NEBL: variants seen among roughly 807,000 people sequenced by gnomAD.
NEBL encodes LIM and SH3 protein 2.
Under a neutral mutation model 140.2 loss-of-function variants are expected in NEBL, and 122 were observed. The ratio of observed to expected loss-of-function variants is 0.87; its 90% CI spans 0.75 to 1.01. NEBL has a LOEUF of 1.01. NEBL is among the 50% of genes least tolerant of loss of function. The pLI, the probability that NEBL is intolerant of heterozygous loss-of-function variation, is 0.00. For missense variants in NEBL, 1,365 were observed against 1,231.3 expected (o/e 1.11, Z -1.62); for synonymous variants, 436 against 398.9 (o/e 1.09, Z -1.11).
intron 2 of NEBL, among the ~76,000 whole-genome samples, chr10:21,023,559 G>C (rs1838886523): frequency 6.6e-6 from 1 of 152,078 alleles, no homozygotes; most frequent in African/African-American, 2.4e-5. Flanking sequence ...GCCAGGCATG[G>C]TGGCGCACAC....
chr10:21,246,691 G>A (rs987712702), intron 3 of NEBL, among the ~76,000 whole-genome samples: 8 of 151,932 alleles, frequency 5.3e-5, no homozygotes, highest in Non-Finnish European at 7.4e-5. Flanking sequence ...AAAAATCATC[G>A]AGCGTGGTGG....
chr10:21,082,755 G>C (rs1836439843), intron 2 of NEBL, among the ~76,000 whole-genome samples: 1 of 107,136 alleles, frequency 9.3e-6, no homozygotes, highest in Non-Finnish European at 2.0e-5. Context: ...TATGCAGGAG[G>C]GATGCATTTT....
chr10:20,799,924 CGTGTGTGTGT>C (rs145863273), intron 26 of NEBL, among the ~76,000 whole-genome samples: 1 of 149,398 alleles, frequency 6.7e-6, no homozygotes, highest in South Asian at 2.1e-4. Context: ...CCATCTGGCA[CGTGTGTGTGT>C]GTGTGTGTGT....
intron 4 of NEBL, among the ~76,000 whole-genome samples, chr10:20,955,578 G>T (rs973199761): frequency 2.0e-5 from 3 of 152,190 alleles, no homozygotes; most frequent in Admixed American, 6.5e-5. Context: ...TCATTTAGGA[G>T]CAGATTGTGG....
intron 6 of NEBL, 35 bp from the exon 7 acceptor site, chr10:20,868,800 C>T: frequency 7.1e-7 from 1 of 1,418,094 alleles, no homozygotes; most frequent in Non-Finnish European, 9.9e-7. Flanking sequence ...TTAAATATTT[C>T]TACCCTCCAA....
At chr10:20,872,157 A>T (rs901108185) in intron 5 of NEBL, among the ~76,000 whole-genome samples, 8 of 152,196 alleles carry the variant, frequency 5.3e-5, no homozygotes, top group African/African-American at 1.7e-4. Context: ...GTTCAGCCTA[A>T]TGACTGCGTG....
chr10:20,814,012 T>C lies in NEBL; in HGVS notation c.2273A>G (p.Lys758Arg), dbSNP rs375635703. ...VKYTQDHKQM[K>R]GRPSLILDTP... ...ATCTAAAATCAGACTTGGTCTACCT[T>C]TCATCTGTTTATGGTCCTGGGTATA... Residue 758 changes from lysine (K) to arginine (R), a missense_variant, in exon 23 of 28, where the codon AAA becomes AGA. Around this residue, in one of 2 missense-constraint regions of NEBL, gnomAD observed 1,323 missense variants for 1,154.8 expected, o/e 1.15. Transcript: ENST00000377122. 3 of 1,609,642 alleles carry C rather than the reference T, an allele frequency of 1.9e-6. No homozygotes were observed. The African/African-American group carries it at 4.0e-5, about 22-fold the overall frequency.
chr10:21,082,354 T>A (rs905259975), intron 2 of NEBL, among the ~76,000 whole-genome samples: 1 of 152,054 alleles, frequency 6.6e-6, no homozygotes, highest in Non-Finnish European at 1.5e-5. Context: ...GTGTTCTGAT[T>A]TGGATGGTTA....
chr10:21,150,946 G>C (rs1241016191), intron 2 of NEBL, among the ~76,000 whole-genome samples: 1 of 152,176 alleles, frequency 6.6e-6, no homozygotes, highest in Non-Finnish European at 1.5e-5. Context: ...AAAGAGGTGA[G>C]AGGAATGTTT....
At position 20,845,250 on chromosome 10, in the gene NEBL, G is replaced by A; in HGVS notation, c.1227+8C>T. The A allele has an allele frequency of 6.7e-7, 1 of 1,501,470 alleles. No individual in the cohort carries two copies. The allele number at this position is 1,501,470 out of a possible 1,614,324, so 93.0% of individuals were successfully genotyped here. A position where few individuals can be genotyped will look rare whatever the true frequency, so the allele number is the denominator to read the frequency against. On this transcript the variant is annotated splice_region_variant and intron_variant, in intron 12 of 27. Transcript: ENST00000377122. ...CATAATATTTAATAATAAACACCAA[G>A]ATCGTACCTCCCTCAGAAGGTTGGT...
At chr10:20,971,835 G>C (rs1341192049) in intron 3 of NEBL, among the ~76,000 whole-genome samples, 1 of 151,902 alleles carries the variant, frequency 6.6e-6, no homozygotes, top group South Asian at 2.1e-4. Context: ...GGATGGTCTC[G>C]ATCTCCTGAC....
intron 2 of NEBL, among the ~76,000 whole-genome samples, chr10:21,116,984 A>G (rs1293603201): frequency 6.6e-6 from 1 of 152,038 alleles, no homozygotes; most frequent in East Asian, 1.9e-4. Flanking sequence ...AATGACCGGT[A>G]ATTTTTATTG....
At chr10:21,102,193 T>C (rs1357228973) in intron 2 of NEBL, among the ~76,000 whole-genome samples, 1 of 152,226 alleles carries the variant, frequency 6.6e-6, no homozygotes, top group Non-Finnish European at 1.5e-5. Context: ...AAGGCAGAAG[T>C]TAGGATTCTT....
intron 4 of NEBL, among the ~76,000 whole-genome samples, chr10:20,887,237 T>C (rs1026116470): frequency 2.0e-5 from 3 of 152,052 alleles, no homozygotes; most frequent in Admixed American, 1.3e-4. Context: ...GTTTACCTGA[T>C]GACAATTCTT....
Position 20,840,896 on chromosome 10 carries a change from T to C in NEBL, c.1228-47A>G, listed in dbSNP as rs781655744. On this transcript the variant is annotated intron_variant, in intron 12 of 27. Coordinates refer to ENST00000377122, the MANE Select transcript of NEBL (RefSeq NM_006393.3). ...GTTCAAAACTTAGCAGGAATCACTTTATTCAGTGTGCTATTCTACATGTTT... is the reference window on the plus strand; with the variant it reads ...GTTCAAAACTTAGCAGGAATCACTTCATTCAGTGTGCTATTCTACATGTTT... 4 of 1,068,894 alleles carry C rather than the reference T, an allele frequency of 3.7e-6. No individual in the cohort carries two copies. In the South Asian group the frequency reaches 3.9e-5, roughly 10 times the overall value. 66.2% of individuals were successfully genotyped at this position (1,068,894 alleles called of 1,614,324 possible).
At chr10:21,057,247 A>G (rs374376752) in intron 2 of NEBL, among the ~76,000 whole-genome samples, 1 of 152,100 alleles carries the variant, frequency 6.6e-6, no homozygotes, top group African/African-American at 2.4e-5. Context: ...TTGGGAGAAC[A>G]GTCTCCCGGG....
At chr10:20,976,824 G>A (rs940585079) in intron 3 of NEBL, among the ~76,000 whole-genome samples, 1 of 151,388 alleles carries the variant, frequency 6.6e-6, no homozygotes, top group African/African-American at 2.4e-5. Context: ...GAGATGCTAT[G>A]CTCACTATTC....
chr10:20,990,278 AACAACACTT>A (rs1436608135), intron 3 of NEBL, among the ~76,000 whole-genome samples: 2 of 152,232 alleles, frequency 1.3e-5, no homozygotes, highest in African/African-American at 4.8e-5. Context: ...TTGAAATGTT[AACAACACTT>A]ACAGCTATGT....
At chr10:21,216,477 A>T (rs1841994254) in intron 3 of NEBL, among the ~76,000 whole-genome samples, 1 of 152,150 alleles carries the variant, frequency 6.6e-6, no homozygotes, top group South Asian at 2.1e-4. Flanking sequence ...AACATGATGA[A>T]AACCCATCTC....
Sources: gnomAD v4.1 joint callset for allele counts (sites outside exome capture counted in the v4.1 genomes callset) on GRCh38, gnomAD v4.1.1 for gene constraint, gnomAD v4.1.1 regional missense constraint, MANE v1.5 for transcripts, NCBI Gene and HGNC (gene_info 2026-07-23, HGNC 2026-07-21) for gene names.